Variants in ADRA1B observed in about 807,000 individuals in gnomAD.
ADRA1B encodes the protein alpha-1B adrenergic receptor.
Under a neutral mutation model 17.9 loss-of-function variants are expected in ADRA1B, and 17 were observed. The ratio of observed to expected loss-of-function variants is 0.95; its 90% CI spans 0.65 to 1.42. The LOEUF (loss-of-function observed/expected upper bound fraction) is 1.42, where lower values mean the gene tolerates loss of function less well. Ranked by LOEUF, ADRA1B falls within the 40% of genes most tolerant of loss-of-function variation. The probability of loss-of-function intolerance (pLI) is 0.00; values close to 1 mark genes in which losing one functional copy is unlikely to be tolerated. For synonymous variants in ADRA1B, 366 were observed against 327.6 expected, an observed-to-expected ratio of 1.12 and a Z score of -1.27; for missense variants, 681 against 722.1, an observed-to-expected ratio of 0.94 and a Z score of 0.65.
chr5:159,975,353 G>A (rs530568573), downstream of ADRA1B, among the ~76,000 whole-genome samples: 1 of 152,116 alleles, frequency 6.6e-6, no homozygotes, highest in African/African-American at 2.4e-5. Flanking sequence ...TAGGGCCTTG[G>A]TTCAAGTCTT....
Position 159,917,770 on chromosome 5 carries a change from G to T in ADRA1B, c.865G>T (p.Glu289Ter). 6.2e-7 allele frequency: 1 copy of T among 1,614,098 alleles called. No individual in the cohort carries two copies. The highest frequency in any genetic ancestry group is 8.5e-7 in the Non-Finnish European group (1 of 1,180,038). The change falls in exon 1 of 2, where the codon GAA becomes TAA. Residue 289 changes from glutamate (E) to a stop codon, truncating the protein, a stop_gained. Coordinates refer to ENST00000306675, the MANE Select transcript of ADRA1B (RefSeq NM_000679.4). LOFTEE classifies it high-confidence loss of function. ...TGTCAAACTTTTTAAGTTCTCCAGG[G>T]AAAAGAAAGCAGCTAAGACGTTGGG... Reference protein sequence around the residue: ...IAVKLFKFSREKKAAKTLGIV... With the variant: ...IAVKLFKFSR
At chr5:159,983,184 G>T in the ADRA1B span, among the ~76,000 whole-genome samples, 55 of 152,200 alleles carry the variant, frequency 3.6e-4, no homozygotes, top group Non-Finnish European at 6.9e-4. Flanking sequence ...GCAGAGGCTG[G>T]TGGCTTCCCC....
At chr5:159,925,027 A>G (rs1175131855) in intron 1 of ADRA1B, among the ~76,000 whole-genome samples, 1 of 152,178 alleles carries the variant, frequency 6.6e-6, no homozygotes, top group Non-Finnish European at 1.5e-5. Context: ...ACAGATGAGG[A>G]AACAGAAGCT....
intron 1 of ADRA1B, among the ~76,000 whole-genome samples, chr5:159,889,539 A>G (rs72808170): frequency 0.012 from 1,885 of 152,278 alleles, 20 homozygotes; most frequent in Middle Eastern, 0.027. Flanking sequence ...CCTAGACTCC[A>G]TCAATCAGAG....
Position 159,972,477 on chromosome 5 carries a change from G to T in ADRA1B, c.1548G>T (p.Ala516=), listed in dbSNP as rs1755896611. ...GCTTCAAAAGCAACATGCCCCTGGC[G>T]CCCGGGCAGTTTTAGGGCCCCCGTG... ...QPGFKSNMPL[A]PGQF is the part of the protein sequence containing the mutation. Residue 516 remains alanine (A), a synonymous_variant, in exon 2 of 2, where the codon GCG becomes GCT. Transcript: ENST00000306675. The T allele has an allele frequency of 2.1e-6, 3 of 1,459,736 alleles. No homozygotes were observed. The highest frequency in any genetic ancestry group is 2.7e-6 in the Non-Finnish European group (3 of 1,106,574). 90.4% of individuals were successfully genotyped at this position (1,459,736 alleles called of 1,614,324 possible). A position where few individuals can be genotyped will look rare whatever the true frequency, so the allele number is the denominator to read the frequency against.
intron 1 of ADRA1B, among the ~76,000 whole-genome samples, chr5:159,873,477 T>C (rs1753770300): frequency 6.6e-6 from 1 of 152,144 alleles, no homozygotes; most frequent in Non-Finnish European, 1.5e-5. Flanking sequence ...ACATACCCAA[T>C]CACTGATAAA....
intron 1 of ADRA1B, among the ~76,000 whole-genome samples, chr5:159,944,558 ATTGC>A (rs1455143687): frequency 6.6e-6 from 1 of 152,242 alleles, no homozygotes; most frequent in African/African-American, 2.4e-5. Flanking sequence ...ATAAAAGATG[ATTGC>A]TTGCTCATGA....
chr5:159,867,200 TG>T (rs1753668763), intron 1 of ADRA1B, among the ~76,000 whole-genome samples: 1 of 152,196 alleles, frequency 6.6e-6, no homozygotes, highest in African/African-American at 2.4e-5. Flanking sequence ...GATGTTGCCT[TG>T]AACCCTGAAT....
chr5:159,890,098 C>T (rs1056015978), intron 1 of ADRA1B, among the ~76,000 whole-genome samples: 5 of 152,144 alleles, frequency 3.3e-5, no homozygotes, highest in African/African-American at 1.2e-4. Flanking sequence ...CGGGTGCTTG[C>T]CTTGAGGGTC....
At chr5:159,960,099 G>A (rs1246558540) in intron 1 of ADRA1B, among the ~76,000 whole-genome samples, 1 of 152,180 alleles carries the variant, frequency 6.6e-6, no homozygotes, top group East Asian at 1.9e-4. Context: ...TTAATAGGTC[G>A]GGTGTGTAAG....
At chr5:159,926,378 G>A (rs1217980015) in intron 1 of ADRA1B, among the ~76,000 whole-genome samples, 1 of 152,148 alleles carries the variant, frequency 6.6e-6, no homozygotes. Flanking sequence ...AAATATGGAT[G>A]TGCACAACTT....
chr5:159,890,962 C>T (rs192238130), intron 1 of ADRA1B, among the ~76,000 whole-genome samples: 95 of 152,306 alleles, frequency 6.2e-4, no homozygotes, highest in East Asian at 2.7e-3. Flanking sequence ...GTTTAAAAGA[C>T]TTCCTTGGAC....
intron 1 of ADRA1B, among the ~76,000 whole-genome samples, chr5:159,876,810 T>A (rs1480515714): frequency 6.6e-6 from 1 of 152,224 alleles, no homozygotes; most frequent in Admixed American, 6.5e-5. Context: ...GGACGATTTG[T>A]CCCTTCTTCT....
chr5:159,872,694 T>C (rs989844543), intron 1 of ADRA1B, among the ~76,000 whole-genome samples: 2 of 152,062 alleles, frequency 1.3e-5, no homozygotes, highest in Non-Finnish European at 2.9e-5. Flanking sequence ...GGTCAAGAGA[T>C]AGACCAAGGT....
intron 1 of ADRA1B, among the ~76,000 whole-genome samples, chr5:159,897,723 G>A (rs1754054699): frequency 6.6e-6 from 1 of 152,172 alleles, no homozygotes; most frequent in Non-Finnish European, 1.5e-5. Flanking sequence ...GAGTCAAGAT[G>A]GTGCTTCCAG....
intron 1 of ADRA1B, among the ~76,000 whole-genome samples, chr5:159,899,054 G>T (rs964063750): frequency 2.0e-5 from 3 of 152,010 alleles, no homozygotes; most frequent in African/African-American, 4.8e-5. Flanking sequence ...GGCTGAAGCA[G>T]TAAGATTGCT....
chr5:159,927,271 G>A (rs879526922), intron 1 of ADRA1B, among the ~76,000 whole-genome samples: 3 of 152,042 alleles, frequency 2.0e-5, no homozygotes, highest in Non-Finnish European at 4.4e-5. Flanking sequence ...GATCCCTGCA[G>A]AAGCAGGAAA....
At chr5:159,930,897 A>G (rs1754784948) in intron 1 of ADRA1B, among the ~76,000 whole-genome samples, 1 of 151,002 alleles carries the variant, frequency 6.6e-6, no homozygotes, top group South Asian at 2.1e-4. Context: ...GGACTATTAA[A>G]CATTTTTATA....
At chr5:159,869,902 G>C (rs561411183) in intron 1 of ADRA1B, 1 of 152,302 alleles carries the variant, frequency 6.6e-6, no homozygotes, top group South Asian at 2.1e-4. Context: ...GACATTAGTA[G>C]CAGTAATATG....
Sources: allele counts gnomAD v4.1 joint callset (sites outside exome capture counted in the v4.1 genomes callset), GRCh38; gene constraint gnomAD v4.1.1; transcripts MANE v1.5; gene names NCBI Gene and HGNC (gene_info 2026-07-23, HGNC 2026-07-21).